RNF150: variants seen among roughly 807,000 people sequenced by gnomAD.
The protein encoded by RNF150 is ring finger protein 150.
RNF150 carries 24 observed loss-of-function variants against 39.3 expected under a neutral mutation model. That is an observed-to-expected ratio of 0.61 (90% CI 0.44 to 0.86). RNF150 has a LOEUF of 0.86. Among genes scored for constraint, RNF150 ranks in the 40% least tolerant of loss-of-function variants. RNF150 has a pLI of 0.00. For synonymous variants in RNF150, 255 were observed against 227.3 expected, an observed-to-expected ratio of 1.12 and a Z score of -1.10; for missense variants, 502 against 587.8, an observed-to-expected ratio of 0.85 and a Z score of 1.51.
In RNF150 at chr4:140,901,106, C is replaced by T. The variant is rs562278587; in HGVS notation, c.1198+10038G>A. On this transcript the variant is annotated intron_variant, in intron 6 of 6. Transcript: ENST00000515673. ...TCGTGTAGATGGTATAAAACAAAAA[C>T]GAAAAGCTGCATTTAAGTCTTCAGT... Among the ~76,000 whole-genome samples, 9 of 151,470 alleles carry T rather than the reference C, an allele frequency of 5.9e-5. No homozygotes were observed. In the South Asian group the frequency reaches 1.3e-3, roughly 21 times the overall value.
intron 1 of RNF150, among the ~76,000 whole-genome samples, chr4:141,039,105 T>C (rs183974122): frequency 9.2e-5 from 14 of 152,224 alleles, no homozygotes; most frequent in Admixed American, 2.6e-4. Flanking sequence ...GGGAGTAACA[T>C]ATTCAGAAAA....
intron 5 of RNF150, among the ~76,000 whole-genome samples, chr4:140,913,055 C>T (rs928716766): frequency 5.9e-5 from 9 of 151,868 alleles, no homozygotes; most frequent in East Asian, 3.9e-4. Context: ...GGGCAGATCA[C>T]GAAGTCAGGT....
chr4:140,957,088 C>T (rs1228572623), intron 2 of RNF150, among the ~76,000 whole-genome samples: 1 of 149,010 alleles, frequency 6.7e-6, no homozygotes, highest in African/African-American at 2.5e-5. Context: ...TTCTGCACAG[C>T]AAAAGAAACT....
Position 140,967,618 on chromosome 4 carries a change from C to A in RNF150, c.735+5G>T. 6.3e-7 allele frequency: 1 copy of A among 1,586,560 alleles called. No individual in the cohort carries two copies. The highest frequency in any genetic ancestry group is 2.3e-5 in the East Asian group (1 of 44,358). On this transcript the variant is annotated splice_donor_5th_base_variant and intron_variant, in intron 2 of 6. Coordinates refer to ENST00000515673, the MANE Select transcript of RNF150 (RefSeq NM_020724.2). ...TTAAAAGTTTTTTAACTTTTTGCTA[C>A]TCACCTGGTTCCTATCCCTGGCATT... is the stretch of plus-strand genomic sequence containing the variant.
chr4:141,059,981 T>TA (rs1260300507), intron 1 of RNF150, among the ~76,000 whole-genome samples: 2 of 151,990 alleles, frequency 1.3e-5, no homozygotes, highest in African/African-American at 4.8e-5. Context: ...GATGGAAATA[T>TA]AAAAAAAGAA....
chr4:140,875,162 CG>C (rs200720178), intron 6 of RNF150, among the ~76,000 whole-genome samples: 2,614 of 141,644 alleles, frequency 0.018, 38 homozygotes, highest in Middle Eastern at 0.085. Context: ...ACAATCATTA[CG>C]TTTTTTTTTT....
chr4:141,177,245 T>A (rs1040204098), intron 1 of RNF150, among the ~76,000 whole-genome samples: 4 of 151,864 alleles, frequency 2.6e-5, no homozygotes, highest in Admixed American at 2.6e-4. Context: ...AAAAATGTAT[T>A]TCAGATTCCT....
At chr4:140,984,320 T>C (rs1485015205) in intron 1 of RNF150, among the ~76,000 whole-genome samples, 1 of 152,074 alleles carries the variant, frequency 6.6e-6, no homozygotes, top group Non-Finnish European at 1.5e-5. Context: ...GATACATAAA[T>C]TATTGGGATG....
intron 2 of RNF150, among the ~76,000 whole-genome samples, chr4:140,954,908 T>C (rs185828029): frequency 3.3e-5 from 5 of 152,360 alleles, no homozygotes; most frequent in African/African-American, 4.8e-5. Context: ...TCTTCCTATC[T>C]CATTTCATTG....
intron 1 of RNF150, among the ~76,000 whole-genome samples, chr4:141,095,619 A>G (rs1738742982): frequency 1.3e-5 from 2 of 152,364 alleles, no homozygotes; most frequent in South Asian, 4.1e-4. Flanking sequence ...CAATTTGCAT[A>G]TCAAGTTTAT....
chr4:140,934,777 A>G (rs1028060486), intron 4 of RNF150, among the ~76,000 whole-genome samples: 7 of 151,686 alleles, frequency 4.6e-5, no homozygotes, highest in African/African-American at 1.5e-4. Flanking sequence ...TCCACAGCCA[A>G]TGATACAGTG....
At chr4:140,925,556 C>T (rs2111320281) in intron 5 of RNF150, among the ~76,000 whole-genome samples, 1 of 152,286 alleles carries the variant, frequency 6.6e-6, no homozygotes, top group African/African-American at 2.4e-5. Context: ...GAGGTGCTCG[C>T]TCCCTCTGAA....
intron 6 of RNF150, among the ~76,000 whole-genome samples, chr4:140,895,280 T>G (rs370345249): frequency 6.7e-4 from 102 of 152,284 alleles, no homozygotes; most frequent in African/African-American, 2.4e-3. Flanking sequence ...GTTATATTTT[T>G]AGAGACAGGG....
chr4:141,035,584 G>T (rs1026192339), intron 1 of RNF150, among the ~76,000 whole-genome samples: 1 of 152,116 alleles, frequency 6.6e-6, no homozygotes, highest in Non-Finnish European at 1.5e-5. Flanking sequence ...ATCAGAACAC[G>T]AGATAACAAG....
intron 1 of RNF150, among the ~76,000 whole-genome samples, chr4:141,113,625 A>T (rs558499312): frequency 6.6e-6 from 1 of 152,326 alleles, no homozygotes; most frequent in South Asian, 2.1e-4. Context: ...CAGAAAATTA[A>T]CAAGAATATT....
intron 1 of RNF150, among the ~76,000 whole-genome samples, chr4:141,146,045 A>G (rs1327715428): frequency 6.6e-6 from 1 of 152,246 alleles, no homozygotes; most frequent in Non-Finnish European, 1.5e-5. Context: ...CTGTTACATT[A>G]CAAGGAAGAA....
Position 141,132,762 on chromosome 4 carries a change from G to A in RNF150, c.47C>T (p.Thr16Ile). The change falls in exon 1 of 7, where the codon ACA (threonine) becomes ATA (isoleucine). Residue 16 changes from threonine to isoleucine, a missense_variant. Thr to Ile is a moderately conservative substitution (Grantham distance 89). Coordinates refer to ENST00000515673, the MANE Select transcript of RNF150 (RefSeq NM_020724.2). The surrounding 1 kb of genome is among the most constrained non-coding windows in gnomAD (Gnocchi z 4.9). Reference sequence around the variant, plus strand: ...CACGAAACAAAAGGAAAGCAGCCATGTTGAGAGAGCCAGACTGCAGCACGC... The same window carrying A: ...CACGAAACAAAAGGAAAGCAGCCATATTGAGAGAGCCAGACTGCAGCACGC... ...IQACCSLALS[T>I]WLLSFCFVHL... 6.2e-7 allele frequency: 1 copy of A among 1,610,534 alleles called. No individual in the cohort carries two copies. Among genetic ancestry groups the A allele is most frequent in the Non-Finnish European group, 8.5e-7 (1 of 1,178,594 alleles).
chr4:140,935,824 T>C (rs1039694119), intron 4 of RNF150, among the ~76,000 whole-genome samples: 46 of 152,182 alleles, frequency 3.0e-4, no homozygotes, highest in African/African-American at 1.1e-3. Flanking sequence ...ACAAAATGCA[T>C]AAACCTTAAG....
intron 1 of RNF150, among the ~76,000 whole-genome samples, chr4:141,177,161 G>A (rs1314563885): frequency 6.6e-6 from 1 of 151,902 alleles, no homozygotes; most frequent in East Asian, 1.9e-4. Flanking sequence ...GAGCCCAGGC[G>A]TTCCAGGCTA....
Sources: allele counts gnomAD v4.1 joint callset (sites outside exome capture counted in the v4.1 genomes callset), GRCh38; gene constraint gnomAD v4.1.1; non-coding constraint Gnocchi (gnomAD v3.1); transcripts MANE v1.5; gene names NCBI Gene and HGNC (gene_info 2026-07-23, HGNC 2026-07-21).